Variants in GRIA4 observed in about 807,000 individuals in gnomAD.
GRIA4 encodes the protein glutamate receptor 4.
GRIA4 carries 34 observed loss-of-function variants against 104.0 expected under a neutral mutation model. The observed-to-expected ratio is 0.33, with a 90% confidence interval of 0.25 to 0.44. The LOEUF (loss-of-function observed/expected upper bound fraction) is 0.44, where lower values mean the gene tolerates loss of function less well. Ranked by LOEUF, GRIA4 falls within the 20% of genes least tolerant of loss-of-function variation. The pLI, the probability that GRIA4 is intolerant of heterozygous loss-of-function variation, is 1.00. For missense variants in GRIA4, 750 were observed against 1,096.5 expected (o/e 0.68, Z 4.46); for synonymous variants, 386 against 381.9 (o/e 1.01, Z -0.13).
At chr11:105,882,478 A>G (rs1037778623) in intron 5 of GRIA4, among the ~76,000 whole-genome samples, 6 of 152,222 alleles carry the variant, frequency 3.9e-5, no homozygotes, top group South Asian at 2.1e-4. Flanking sequence ...AGGCCAAACT[A>G]TCATTAATTT....
Position 105,909,692 on chromosome 11 carries a change from G to A in GRIA4, c.1159-743G>A, listed in dbSNP as rs1042151120. 3.3e-5 allele frequency among the ~76,000 whole-genome samples: 5 copies of A among 151,966 alleles called. No individual in the cohort carries two copies. In the East Asian group the frequency reaches 7.7e-4, roughly 23 times the overall value. On this transcript the variant is annotated intron_variant, in intron 9 of 16. Coordinates refer to ENST00000282499, the MANE Select transcript of GRIA4 (RefSeq NM_000829.4). The stretch of plus-strand genomic sequence containing the variant: ...TAGTAGCCATTATTATTGCTTAATG[G>A]TCTGCAAAAAACAAAGAATCCTAAA...
rs577210871 is a variant in GRIA4 at position 105,886,262 on chromosome 11, G to A, written c.673-1257G>A. Among the ~76,000 whole-genome samples, 14 of 152,096 alleles carry A rather than the reference G, an allele frequency of 9.2e-5. No individual in the cohort carries two copies. The South Asian group carries it at 2.9e-3, about 32-fold the overall frequency. ...GGGGTCCATGAGATGTTTTGATACA[G>A]GCATGCAATGAGTAATAATCACATT... On this transcript the variant is annotated intron_variant, in intron 5 of 16. Transcript: ENST00000282499.
At chr11:105,621,397 T>C (rs1024172466) in intron 3 of GRIA4, among the ~76,000 whole-genome samples, 5 of 151,544 alleles carry the variant, frequency 3.3e-5, no homozygotes, top group South Asian at 2.1e-4. Context: ...TTTTTTTCTG[T>C]ATAGACCTAG....
At chr11:105,811,239 T>TA (rs1414346267) in intron 4 of GRIA4, among the ~76,000 whole-genome samples, 1 of 152,178 alleles carries the variant, frequency 6.6e-6, no homozygotes, top group Non-Finnish European at 1.5e-5. Flanking sequence ...GAAAATGTAT[T>TA]AAAAACACAT....
intron 13 of GRIA4, among the ~76,000 whole-genome samples, chr11:105,927,453 C>T (rs1045467513): frequency 5.8e-4 from 88 of 152,198 alleles, no homozygotes; most frequent in African/African-American, 2.1e-3. Flanking sequence ...AAGGTAATAA[C>T]AGCAAGAACT....
In GRIA4 at chr11:105,639,429, T is replaced by G. The variant is rs113672804; in HGVS notation, c.247+26995T>G. Reference sequence around the variant, plus strand: ...CCATATGAAGATCTCAGCATCGCAGTCATATTTCCTATTCATGACTAGAGT... The same window carrying G: ...CCATATGAAGATCTCAGCATCGCAGGCATATTTCCTATTCATGACTAGAGT... On this transcript the variant is annotated intron_variant, in intron 3 of 16. Coordinates refer to ENST00000282499, the MANE Select transcript of GRIA4 (RefSeq NM_000829.4). Among the ~76,000 whole-genome samples the G allele has an allele frequency of 4.4e-3, 664 of 152,142 alleles. 5 individuals carry two copies. Among genetic ancestry groups the G allele is most frequent in the African/African-American group, 0.015 (633 of 41,570 alleles).
chr11:105,726,813 T>C (rs1938239737), intron 3 of GRIA4, among the ~76,000 whole-genome samples: 1 of 151,272 alleles, frequency 6.6e-6, no homozygotes, highest in African/African-American at 2.4e-5. Context: ...GAAGGAAAAC[T>C]AAAAAACAGA....
At chr11:105,786,129 A>C (rs895432968) in intron 4 of GRIA4, among the ~76,000 whole-genome samples, 6 of 127,456 alleles carry the variant, frequency 4.7e-5, no homozygotes, top group Non-Finnish European at 9.5e-5. Context: ...TGGGCGACAC[A>C]GTGAGACCCT....
At position 105,938,475 on chromosome 11, in the gene GRIA4, C is replaced by T. The variant is rs539869125; in HGVS notation, c.2294+4506C>T. Among the ~76,000 whole-genome samples the T allele has an allele frequency of 1.4e-4, 21 of 152,164 alleles. 2 individuals carry two copies. In the South Asian group the frequency reaches 2.9e-3, roughly 21 times the overall value. On this transcript the variant is annotated intron_variant, in intron 14 of 16. Coordinates refer to ENST00000282499, the MANE Select transcript of GRIA4 (RefSeq NM_000829.4). ...CTCAAATGAAGAAACTTTTAACATG[C>T]GTTGTGGAAATTAGTTGCAGTGGGT...
intron 4 of GRIA4, among the ~76,000 whole-genome samples, chr11:105,843,780 C>G (rs2135966616): frequency 6.6e-6 from 1 of 152,212 alleles, no homozygotes; most frequent in South Asian, 2.1e-4. Flanking sequence ...TGACCTTTGG[C>G]CAGATAAGGA....
At position 105,730,787 on chromosome 11, in the gene GRIA4, C is replaced by T. The variant is rs991671587; in HGVS notation, c.248-22194C>T. Reference sequence around the variant, plus strand: ...AAACAAGCAGTGGGGTAAGGATTCCCTATTTACTAAATGGTGTTGGGAAAA... The same window carrying T: ...AAACAAGCAGTGGGGTAAGGATTCCTTATTTACTAAATGGTGTTGGGAAAA... On this transcript the variant is annotated intron_variant, in intron 3 of 16. Coordinates refer to ENST00000282499, the MANE Select transcript of GRIA4 (RefSeq NM_000829.4). Among the ~76,000 whole-genome samples, 25 of 152,150 alleles carry T rather than the reference C, an allele frequency of 1.6e-4. 1 individual carries two copies. The highest frequency in any genetic ancestry group is 4.6e-4 in the African/African-American group (19 of 41,422).
At chr11:105,625,095 T>C (rs1950852295) in intron 3 of GRIA4, among the ~76,000 whole-genome samples, 1 of 152,090 alleles carries the variant, frequency 6.6e-6, no homozygotes, top group Non-Finnish European at 1.5e-5. Context: ...GTAGTCTCTG[T>C]ATCTTGTATA....
intron 4 of GRIA4, among the ~76,000 whole-genome samples, chr11:105,784,960 T>A (rs1941894364): frequency 6.6e-6 from 1 of 152,172 alleles, no homozygotes; most frequent in Non-Finnish European, 1.5e-5. Flanking sequence ...CCTACGTGAT[T>A]CCAAATACCA....
At chr11:105,885,537 G>T (rs1305389209) in intron 5 of GRIA4, among the ~76,000 whole-genome samples, 1 of 152,230 alleles carries the variant, frequency 6.6e-6, no homozygotes, top group African/African-American at 2.4e-5. Context: ...GAAATTGCCA[G>T]ATTGGGTAGG....
At chr11:105,889,277 T>C (rs1306447801) in intron 6 of GRIA4, among the ~76,000 whole-genome samples, 1 of 152,188 alleles carries the variant, frequency 6.6e-6, no homozygotes, top group Non-Finnish European at 1.5e-5. Flanking sequence ...AGCGTTCCAG[T>C]ATATGAAGTA....
intron 7 of GRIA4, among the ~76,000 whole-genome samples, chr11:105,901,407 T>C (rs948324083): frequency 2.0e-5 from 3 of 152,152 alleles, no homozygotes; most frequent in African/African-American, 4.8e-5. Flanking sequence ...TCTTAGTAAA[T>C]AGAAATCATT....
chr11:105,798,636 A>G (rs1240844981), intron 4 of GRIA4, among the ~76,000 whole-genome samples: 1 of 152,120 alleles, frequency 6.6e-6, no homozygotes, highest in Non-Finnish European at 1.5e-5. Context: ...CTGTGGCAAT[A>G]ATCTAGATGA....
chr11:105,730,131 C>T (rs1938495250), intron 3 of GRIA4, among the ~76,000 whole-genome samples: 2 of 152,158 alleles, frequency 1.3e-5, no homozygotes, highest in Admixed American at 1.3e-4. Flanking sequence ...TTAGAAAACC[C>T]CATCGTCTCA....
Position 105,812,956 on chromosome 11 carries a change from C to G in GRIA4, c.488-49068C>G, listed in dbSNP as rs144712730. 6.9e-3 allele frequency among the ~76,000 whole-genome samples: 1,054 copies of G among 151,958 alleles called. 24 individuals are homozygous for G. The highest frequency in any genetic ancestry group is 0.024 in the African/African-American group (1,015 of 41,484). On this transcript the variant is annotated intron_variant, in intron 4 of 16. Coordinates refer to ENST00000282499, the MANE Select transcript of GRIA4 (RefSeq NM_000829.4). ...CTCTACTAAAAATACAAAAAATTAG[C>G]TGGGCATAATGGTGGGCACCTGTAG...
Sources: gnomAD v4.1 joint callset for allele counts (sites outside exome capture counted in the v4.1 genomes callset) on GRCh38, gnomAD v4.1.1 for gene constraint, MANE v1.5 for transcripts, NCBI Gene and HGNC (gene_info 2026-07-23, HGNC 2026-07-21) for gene names.